PCDHA1: variants seen among roughly 807,000 people sequenced by gnomAD.
PCDHA1 encodes protocadherin alpha-1.
In PCDHA1, 42 loss-of-function variants were observed where a neutral mutation model predicts 61.3. The ratio of observed to expected loss-of-function variants is 0.69; its 90% CI spans 0.54 to 0.89. The LOEUF is 0.89. Among genes scored for constraint, PCDHA1 ranks in the 40% least tolerant of loss-of-function variants. The pLI is 0.00. For missense variants in PCDHA1, 1,256 were observed against 1,235.3 expected (o/e 1.02, Z -0.25); for synonymous variants, 610 against 553.8 (o/e 1.10, Z -1.43).
At chr5:140,851,995 T>C in intron 1 of PCDHA1, 2 of 976,422 alleles carry the variant, frequency 2.0e-6, no homozygotes, top group South Asian at 4.8e-5. Context: ...GCTATTTGTT[T>C]GTTTTCTAAT....
intron 1 of PCDHA1, chr5:140,795,029 C>A: frequency 6.2e-7 from 1 of 1,613,822 alleles, no homozygotes; most frequent in Non-Finnish European, 8.5e-7. Flanking sequence ...CTGCTCCTCG[C>A]AGCCTGGGAG....
intron 1 of PCDHA1, chr5:140,822,254 A>G: frequency 6.2e-7 from 1 of 1,614,260 alleles, no homozygotes; most frequent in South Asian, 1.1e-5. Context: ...TCGGATTTGG[A>G]TATTGGAGCA....
At position 140,856,354 on chromosome 5, in the gene PCDHA1, C is replaced by T. The variant is rs2043948019; in HGVS notation, c.2394+67670C>T. On this transcript the variant is annotated intron_variant, in intron 1 of 3. Coordinates refer to ENST00000504120, the MANE Select transcript of PCDHA1 (RefSeq NM_018900.4). ...TGTGCGGGCGGAGCGTGGAGTGCAGCATCCACCTGGAGGTGATCGTGGACA... is the reference window on the plus strand; with the variant it reads ...TGTGCGGGCGGAGCGTGGAGTGCAGTATCCACCTGGAGGTGATCGTGGACA... The T allele has an allele frequency of 3.8e-6, 6 of 1,598,616 alleles. 1 individual carries two copies. Among genetic ancestry groups the T allele is most frequent in the African/African-American group, 2.7e-5 (2 of 74,434 alleles).
chr5:140,927,357 C>A, intron 1 of PCDHA1: 1 of 1,614,052 alleles, frequency 6.2e-7, no homozygotes, highest in South Asian at 1.1e-5. Context: ...ACGAGGGAAG[C>A]AATGGGATAC....
chr5:140,949,053 C>T (rs2094339991), intron 1 of PCDHA1, among the ~76,000 whole-genome samples: 1 of 151,694 alleles, frequency 6.6e-6, no homozygotes, highest in Admixed American at 6.6e-5. Flanking sequence ...TTCTAATTTC[C>T]ATTATGATTT....
chr5:140,853,242 A>T, intron 1 of PCDHA1: 1 of 978,496 alleles, frequency 1.0e-6, no homozygotes, highest in Non-Finnish European at 1.2e-6. Context: ...CCTTCATATT[A>T]ATCTCTATTC....
intron 1 of PCDHA1, chr5:140,856,494 C>A: frequency 6.3e-7 from 1 of 1,598,382 alleles, no homozygotes; most frequent in Non-Finnish European, 8.6e-7. Flanking sequence ...CTGCTTGACT[C>A]TCGATTTCCA....
chr5:140,805,308 C>A, intron 1 of PCDHA1: 3 of 1,274,932 alleles, frequency 2.4e-6, no homozygotes, highest in East Asian at 3.4e-5. Context: ...ATTCTTCCTC[C>A]TTTTTTCCAA....
chr5:140,801,664 G>A, intron 1 of PCDHA1: 1 of 1,614,186 alleles, frequency 6.2e-7, no homozygotes, highest in Non-Finnish European at 8.5e-7. Context: ...TCGCTAGAGG[G>A]CGCATCAGAT....
chr5:140,804,989 A>G, intron 1 of PCDHA1: 1 of 1,520,108 alleles, frequency 6.6e-7, no homozygotes. Flanking sequence ...TCAGGTCAGT[A>G]TTTTAAAAAT....
intron 1 of PCDHA1, among the ~76,000 whole-genome samples, chr5:140,917,324 C>CG (rs1299895515): frequency 0.012 from 918 of 74,422 alleles, 22 homozygotes; most frequent in East Asian, 0.019. Flanking sequence ...GTTCATGTGG[C>CG]GGGGGAGGGG....
chr5:141,011,247 G>A lies in PCDHA1; in HGVS notation c.*1310G>A, dbSNP rs1554263390. On this transcript the variant is annotated 3_prime_UTR_variant, in exon 4 of 4. Transcript: ENST00000504120. The stretch of plus-strand genomic sequence containing the variant: ...TCTACTAATTCTGTGACTTGTCTTG[G>A]TGTGCTAGCCTACACCTTCTCTTTG... The A allele has an allele frequency of 2.0e-5, 3 of 153,772 alleles. No individual in the cohort carries two copies. The highest frequency in any genetic ancestry group is 7.2e-5 in the African/African-American group (3 of 41,538). The allele number at this position is 153,772 out of a possible 1,614,324, so 9.5% of individuals were successfully genotyped here.
chr5:140,847,700 CAG>C (rs1424975763), intron 1 of PCDHA1: 1 of 149,786 alleles, frequency 6.7e-6, no homozygotes, highest in Non-Finnish European at 1.5e-5. Context: ...TTTCTGGAAA[CAG>C]ATTGTATAAA....
In PCDHA1 at chr5:140,822,165, CA is replaced by C. The variant is rs1194001940; in HGVS notation, c.2394+33482del. ...TGAAGGACATCAATGACAATCCGCC[CA>C]GGTTCTCCAGACAAGAACAAAGATT... On this transcript the variant is annotated intron_variant, in intron 1 of 3. Coordinates refer to ENST00000504120, the MANE Select transcript of PCDHA1 (RefSeq NM_018900.4). The C allele has an allele frequency of 2.5e-6, 4 of 1,614,120 alleles. No individual in the cohort carries two copies. The African/African-American group carries it at 5.3e-5, about 22-fold the overall frequency.
intron 1 of PCDHA1, chr5:140,809,252 C>A (rs1314068849): frequency 1.2e-6 from 2 of 1,614,082 alleles, no homozygotes; most frequent in African/African-American, 1.3e-5. Flanking sequence ...CGCTGTGGGT[C>A]CCGATGCTGC....
chr5:140,841,535 C>A (rs146057065), intron 1 of PCDHA1: 5 of 1,613,548 alleles, frequency 3.1e-6, no homozygotes, highest in African/African-American at 1.3e-5. Flanking sequence ...CAAAAGACAC[C>A]GGGACCTTCT....
At chr5:140,916,399 C>G (rs1421171065) in intron 1 of PCDHA1, among the ~76,000 whole-genome samples, 2 of 152,168 alleles carry the variant, frequency 1.3e-5, no homozygotes, top group African/African-American at 4.8e-5. Context: ...TGTGCTGGAT[C>G]ACACCTGAAG....
chr5:140,880,739 A>G (rs1349403476), intron 1 of PCDHA1, among the ~76,000 whole-genome samples: 1 of 152,204 alleles, frequency 6.6e-6, no homozygotes, highest in South Asian at 2.1e-4. Context: ...GAGAAAATGG[A>G]TTGTCAGTGT....
chr5:140,928,785 G>A, intron 1 of PCDHA1: 1 of 1,614,144 alleles, frequency 6.2e-7, no homozygotes, highest in Middle Eastern at 1.6e-4. Context: ...ATGCAGTTAA[G>A]CAGAGGGTGG....
Sources: gnomAD v4.1 joint callset for allele counts (sites outside exome capture counted in the v4.1 genomes callset) on GRCh38, gnomAD v4.1.1 for gene constraint, MANE v1.5 for transcripts, NCBI Gene and HGNC (gene_info 2026-07-23, HGNC 2026-07-21) for gene names.